EPB41L4A: variants seen among roughly 807,000 people sequenced by gnomAD.
The protein encoded by EPB41L4A is erythrocyte membrane protein band 4.1 like 4A, also known as band 4.1-like protein 4A.
EPB41L4A carries 100 observed loss-of-function variants against 108.6 expected under a neutral mutation model. The ratio of observed to expected loss-of-function variants is 0.92; its 90% CI spans 0.78 to 1.09. EPB41L4A has a LOEUF of 1.09. EPB41L4A is among the 50% of genes least tolerant of loss of function. The probability of loss-of-function intolerance (pLI) is 0.00; values close to 1 mark genes in which losing one functional copy is unlikely to be tolerated. For missense variants in EPB41L4A, 1,030 were observed against 842.7 expected, an observed-to-expected ratio of 1.22 and a Z score of -2.75; for synonymous variants, 319 against 289.0, an observed-to-expected ratio of 1.10 and a Z score of -1.05.
chr5:112,387,182 A>C (rs1760604260), intron 1 of EPB41L4A, among the ~76,000 whole-genome samples: 2 of 152,216 alleles, frequency 1.3e-5, no homozygotes, highest in South Asian at 4.1e-4. Flanking sequence ...GGCCAGATCC[A>C]GCTTCAGCCA....
At chr5:112,412,108 C>T (rs1424987495) in intron 1 of EPB41L4A, among the ~76,000 whole-genome samples, 1 of 152,204 alleles carries the variant, frequency 6.6e-6, no homozygotes, top group Non-Finnish European at 1.5e-5. Flanking sequence ...GCACATGGTT[C>T]CCTCTGCAGT....
At chr5:112,379,706 T>G (rs948204680) in intron 1 of EPB41L4A, among the ~76,000 whole-genome samples, 2 of 152,190 alleles carry the variant, frequency 1.3e-5, no homozygotes, top group Non-Finnish European at 2.9e-5. Context: ...TTCTGAGAAG[T>G]CCTGGCCAGC....
chr5:112,279,835 T>A (rs1437019008), intron 3 of EPB41L4A, among the ~76,000 whole-genome samples: 2 of 152,138 alleles, frequency 1.3e-5, no homozygotes, highest in African/African-American at 4.8e-5. Flanking sequence ...CACCTCTTAC[T>A]TACTGGCTTA....
intron 9 of EPB41L4A, chr5:112,256,972 G>A (rs1561516536): frequency 6.6e-6 from 1 of 152,126 alleles, no homozygotes; most frequent in South Asian, 2.1e-4. Flanking sequence ...TTTAATGCAT[G>A]AAAGCATCTC....
At chr5:112,362,598 A>T (rs890902661) in intron 1 of EPB41L4A, among the ~76,000 whole-genome samples, 2 of 152,152 alleles carry the variant, frequency 1.3e-5, no homozygotes, top group Non-Finnish European at 2.9e-5. Flanking sequence ...ATTAATTTTA[A>T]AAGTCAACCA....
rs3067637 is a variant in EPB41L4A, at chr5:112,165,127, T to TA, written c.1933-10dup. On this transcript the variant is annotated splice_polypyrimidine_tract_variant and intron_variant, in intron 22 of 22. Transcript: ENST00000261486. ...TTAGACCCATTTCTTCTCTAAAATATATTTGAAAAATGTAGAAAGATTCAG... is the reference window on the plus strand; with the variant it reads ...TTAGACCCATTTCTTCTCTAAAATATAATTTGAAAAATGTAGAAAGATTCAG... 1 of 1,447,456 alleles carries TA rather than the reference T, an allele frequency of 6.9e-7. No individual in the cohort carries two copies. Among genetic ancestry groups the TA allele is most frequent in the African/African-American group, 1.4e-5 (1 of 72,822 alleles). The allele number at this position is 1,447,456 out of a possible 1,614,324, so 89.7% of individuals were successfully genotyped here.
chr5:112,328,048 G>A (rs184699871), intron 1 of EPB41L4A, among the ~76,000 whole-genome samples: 2 of 152,004 alleles, frequency 1.3e-5, no homozygotes, highest in Admixed American at 6.6e-5. Flanking sequence ...GGTGGCTCAC[G>A]CTCGTAATCC....
At chr5:112,143,792 C>G (rs1759150569) in exon 14 of EPB41L4A, 1 of 445,750 alleles carries the variant, frequency 2.2e-6, no homozygotes. Context: ...AATACCTGAA[C>G]CAACCACAGC....
chr5:112,296,051 G>C (rs1341131515), intron 2 of EPB41L4A, among the ~76,000 whole-genome samples: 1 of 152,128 alleles, frequency 6.6e-6, no homozygotes, highest in Admixed American at 6.5e-5. Context: ...AGTTGGTTTG[G>C]CTAAGTGGCT....
chr5:112,145,863 A>G (rs1033904487), intron 13 of EPB41L4A: 6 of 454,580 alleles, frequency 1.3e-5, no homozygotes, highest in Non-Finnish European at 1.8e-5. Flanking sequence ...AATTATCAAT[A>G]TACATAATTA....
chr5:112,414,912 A>G (rs532538817), intron 1 of EPB41L4A, among the ~76,000 whole-genome samples: 119 of 152,256 alleles, frequency 7.8e-4, no homozygotes, highest in African/African-American at 2.8e-3. Flanking sequence ...TTAATACCCA[A>G]TCAAGACCAC....
intron 1 of EPB41L4A, among the ~76,000 whole-genome samples, chr5:112,333,120 G>A (rs538104254): frequency 1.3e-5 from 2 of 151,556 alleles, no homozygotes; most frequent in Admixed American, 6.6e-5. Context: ...CTTACTGCAG[G>A]ACTATTATCT....
At chr5:112,376,086 A>C (rs1339151445) in intron 1 of EPB41L4A, among the ~76,000 whole-genome samples, 1 of 152,252 alleles carries the variant, frequency 6.6e-6, no homozygotes, top group Admixed American at 6.5e-5. Flanking sequence ...AAGAGGATTA[A>C]AAAGACAAGC....
At position 112,243,220 on chromosome 5, in the gene EPB41L4A, T is replaced by A. The variant is rs527291660; in HGVS notation, c.796-2410A>T. On this transcript the variant is annotated intron_variant, in intron 9 of 22. Transcript: ENST00000261486. ...TAAGAATGAGACTCTGTCTCGAAAATATATATATATATATCTATGTATATA... is the reference window on the plus strand; with the variant it reads ...TAAGAATGAGACTCTGTCTCGAAAAAATATATATATATATCTATGTATATA... Among the ~76,000 whole-genome samples the A allele has an allele frequency of 1.1e-4, 17 of 149,622 alleles. No homozygotes were observed. In the South Asian group the frequency reaches 2.1e-3, roughly 19 times the overall value.
At chr5:112,144,272 C>G (rs1199484617) in intron 13 of EPB41L4A, among the ~76,000 whole-genome samples, 1 of 152,126 alleles carries the variant, frequency 6.6e-6, no homozygotes, top group African/African-American at 2.4e-5. Context: ...TTTTGGTGTT[C>G]TAGACACTGA....
intron 12 of EPB41L4A, among the ~76,000 whole-genome samples, chr5:112,229,202 T>C (rs1290200130): frequency 6.6e-6 from 1 of 152,200 alleles, no homozygotes; most frequent in Admixed American, 6.5e-5. Context: ...TATATACAAA[T>C]GTTTTGTGTT....
intron 2 of EPB41L4A, among the ~76,000 whole-genome samples, chr5:112,283,171 G>A (rs973035753): frequency 2.6e-5 from 4 of 152,176 alleles, no homozygotes; most frequent in African/African-American, 7.2e-5. Context: ...CGAAGCAGCA[G>A]CAGCAAGACT....
intron 17 of EPB41L4A, among the ~76,000 whole-genome samples, chr5:112,191,200 CAT>C (rs145294112): frequency 0.033 from 4,968 of 152,122 alleles, 308 homozygotes; most frequent in African/African-American, 0.11. Flanking sequence ...TAAGGGAAAA[CAT>C]AAACGATGTC....
chr5:112,371,435 G>C (rs77297314), intron 1 of EPB41L4A, among the ~76,000 whole-genome samples: 5,128 of 152,196 alleles, frequency 0.034, 150 homozygotes, highest in African/African-American at 0.078. Flanking sequence ...AAAATCTAAA[G>C]CTGCAGTGCA....
Sources: allele counts gnomAD v4.1 joint callset (sites outside exome capture counted in the v4.1 genomes callset), GRCh38; gene constraint gnomAD v4.1.1; transcripts MANE v1.5; gene names NCBI Gene and HGNC (gene_info 2026-07-23, HGNC 2026-07-21).